Variants in SPOCK1 observed in about 807,000 individuals in gnomAD.
SPOCK1 encodes SPARC (osteonectin), cwcv and kazal like domains proteoglycan 1.
SPOCK1 carries 23 observed loss-of-function variants against 55.3 expected under a neutral mutation model. That is an observed-to-expected ratio of 0.42 (90% CI 0.30 to 0.59). SPOCK1 has a LOEUF of 0.59. Ranked by LOEUF, SPOCK1 falls within the 20% of genes least tolerant of loss-of-function variation. The probability of loss-of-function intolerance (pLI) is 0.22; values close to 1 mark genes in which losing one functional copy is unlikely to be tolerated. For missense variants in SPOCK1, 499 were observed against 552.5 expected, an observed-to-expected ratio of 0.90 and a Z score of 0.97; for synonymous variants, 226 against 221.0, an observed-to-expected ratio of 1.02 and a Z score of -0.20.
At position 137,215,488 on chromosome 5, in the gene SPOCK1, T is replaced by C. The variant is rs149269042; in HGVS notation, c.232+51522A>G. 9.3e-3 allele frequency among the ~76,000 whole-genome samples: 1,423 copies of C among 152,286 alleles called. 18 individuals carry two copies. The highest frequency in any genetic ancestry group is 0.032 in the African/African-American group (1,319 of 41,556). ...TCGTCTTCAATGAGAATTAGAACAG[T>C]TGTGATGACAGTACCTTCCTGGAAT... On this transcript the variant is annotated intron_variant, in intron 3 of 10. Coordinates refer to ENST00000394945, the MANE Select transcript of SPOCK1 (RefSeq NM_004598.4).
In SPOCK1 at chr5:137,373,621, C is replaced by T. The variant is rs181359590; in HGVS notation, c.187-106566G>A. On this transcript the variant is annotated intron_variant, in intron 2 of 10. Coordinates refer to ENST00000394945, the MANE Select transcript of SPOCK1 (RefSeq NM_004598.4). ...TGCAGGTGAGGGTCCTGAATGACCC[C>T]ACCTGGACGGCAGGTGGCACATCCC... Among the ~76,000 whole-genome samples the T allele has an allele frequency of 1.1e-3, 167 of 152,336 alleles. 6 individuals are homozygous for T. The highest frequency in any genetic ancestry group is 6.8e-3 in the Middle Eastern group (2 of 294).
chr5:137,093,829 T>C (rs1272688093), intron 5 of SPOCK1, among the ~76,000 whole-genome samples: 1 of 152,020 alleles, frequency 6.6e-6, no homozygotes, highest in Non-Finnish European at 1.5e-5. Flanking sequence ...GAGAAAAACA[T>C]GGTAAGACAG....
chr5:137,012,458 T>C lies in SPOCK1; in HGVS notation c.590-19858A>G, dbSNP rs532854406. 3.3e-5 allele frequency among the ~76,000 whole-genome samples: 5 copies of C among 152,276 alleles called. No homozygotes were observed. In the South Asian group the frequency reaches 6.2e-4, roughly 19 times the overall value. The stretch of plus-strand genomic sequence containing the variant: ...ACACACACACACATGCAATTCCAAG[T>C]GATAGATTCATTAATTCTCACAACT... On this transcript the variant is annotated intron_variant, in intron 6 of 10. Transcript: ENST00000394945.
intron 3 of SPOCK1, among the ~76,000 whole-genome samples, chr5:137,182,219 A>G (rs1019758408): frequency 2.6e-5 from 4 of 151,996 alleles, no homozygotes; most frequent in African/African-American, 9.7e-5. Flanking sequence ...ATCAGCTGTG[A>G]TTTTCCTCAC....
chr5:137,453,531 A>G (rs772092603), intron 2 of SPOCK1, among the ~76,000 whole-genome samples: 5 of 152,164 alleles, frequency 3.3e-5, no homozygotes, highest in African/African-American at 2.4e-5. Flanking sequence ...TAGTGAAACA[A>G]TTGTCCGCAA....
intron 4 of SPOCK1, among the ~76,000 whole-genome samples, chr5:137,124,586 C>G (rs1053768423): frequency 3.3e-5 from 5 of 152,206 alleles, no homozygotes; most frequent in African/African-American, 1.2e-4. Flanking sequence ...GGGCTCAGGA[C>G]CAGTGAAGAG....
In SPOCK1 at chr5:137,384,596, C is replaced by T. The variant is rs868859070; in HGVS notation, c.186+113777G>A. Among the ~76,000 whole-genome samples the T allele has an allele frequency of 9.8e-4, 123 of 125,836 alleles. 2 individuals are homozygous for T. Among genetic ancestry groups the T allele is most frequent in the African/African-American group, 5.3e-3 (121 of 22,940 alleles). The allele number at this position is 125,836 out of a possible 152,430, so 82.6% of individuals were successfully genotyped here. A position where few individuals can be genotyped will look rare whatever the true frequency, so the allele number is the denominator to read the frequency against. ...TATATATATGTATGTATTTTTTTTT[C>T]CCCCTGGAGGCCAGAAGCTCACAAT... On this transcript the variant is annotated intron_variant, in intron 2 of 10. Transcript: ENST00000394945.
intron 3 of SPOCK1, among the ~76,000 whole-genome samples, chr5:137,262,771 C>T (rs6886072): frequency 0.41 from 61,522 of 151,900 alleles, 13,589 homozygotes; most frequent in Non-Finnish European, 0.48. Flanking sequence ...AGCATCACAA[C>T]TTGGAAGGCC....
At chr5:137,452,254 T>C (rs1335718480) in intron 2 of SPOCK1, among the ~76,000 whole-genome samples, 1 of 152,242 alleles carries the variant, frequency 6.6e-6, no homozygotes, top group African/African-American at 2.4e-5. Context: ...GCCGTGTGTT[T>C]TGTATCAAAA....
rs368900715 is a variant in SPOCK1 at position 137,327,757 on chromosome 5, C to T, written c.187-60702G>A. On this transcript the variant is annotated intron_variant, in intron 2 of 10. Coordinates refer to ENST00000394945, the MANE Select transcript of SPOCK1 (RefSeq NM_004598.4). ...TAAAAACACATAGCTCTTAGAGTCG[C>T]GGTGAAGAAAATGAACCAAAATCAT... Among the ~76,000 whole-genome samples the T allele has an allele frequency of 1.4e-4, 21 of 152,238 alleles. No individual in the cohort carries two copies. In the East Asian group the frequency reaches 3.3e-3, roughly 24 times the overall value.
chr5:137,152,409 A>G (rs1367238937), intron 3 of SPOCK1, among the ~76,000 whole-genome samples: 1 of 152,218 alleles, frequency 6.6e-6, no homozygotes, highest in Non-Finnish European at 1.5e-5. Flanking sequence ...TAAAACATAA[A>G]TCAGGGCTTA....
rs192154101 is a variant in SPOCK1 at position 137,192,951 on chromosome 5, C to T, written c.233-52257G>A. Among the ~76,000 whole-genome samples, 4 of 152,230 alleles carry T rather than the reference C, an allele frequency of 2.6e-5. No individual in the cohort carries two copies. In the East Asian group the frequency reaches 5.8e-4, roughly 22 times the overall value. On this transcript the variant is annotated intron_variant, in intron 3 of 10. Coordinates refer to ENST00000394945, the MANE Select transcript of SPOCK1 (RefSeq NM_004598.4). ...TACTTCTAGGGAGGCAAGGAGAGAA[C>T]GAGATCTGGGAAAGATATACTAGGG...
chr5:137,294,771 G>A (rs1377281437), intron 2 of SPOCK1, among the ~76,000 whole-genome samples: 1 of 152,208 alleles, frequency 6.6e-6, no homozygotes, highest in Non-Finnish European at 1.5e-5. Flanking sequence ...ATCTGCTGCT[G>A]CAGCAACGTT....
intron 5 of SPOCK1, among the ~76,000 whole-genome samples, chr5:137,104,114 A>C (rs781516867): frequency 6.6e-6 from 1 of 152,192 alleles, no homozygotes; most frequent in Admixed American, 6.5e-5. Flanking sequence ...CTCCTGTTGA[A>C]TTGTAATCCC....
At chr5:137,251,867 A>T (rs777728215) in intron 3 of SPOCK1, among the ~76,000 whole-genome samples, 8 of 152,208 alleles carry the variant, frequency 5.3e-5, no homozygotes, top group Non-Finnish European at 1.0e-4. Flanking sequence ...AAATACAAGC[A>T]TTTGTCAGAT....
chr5:137,094,167 G>A (rs1299952066), intron 5 of SPOCK1, among the ~76,000 whole-genome samples: 1 of 152,208 alleles, frequency 6.6e-6, no homozygotes, highest in East Asian at 1.9e-4. Context: ...ACTGGGCACA[G>A]AATAGAGTCA....
At chr5:137,386,687 T>C (rs1751605179) in intron 2 of SPOCK1, among the ~76,000 whole-genome samples, 1 of 152,070 alleles carries the variant, frequency 6.6e-6, no homozygotes, top group African/African-American at 2.4e-5. Context: ...ATGTGTAAAA[T>C]ACAAAACTAT....
At chr5:137,218,585 T>C (rs185200899) in intron 3 of SPOCK1, among the ~76,000 whole-genome samples, 128 of 152,350 alleles carry the variant, frequency 8.4e-4, no homozygotes, top group African/African-American at 3.0e-3. Context: ...GCCACTTATT[T>C]AATCCTTCTG....
intron 3 of SPOCK1, 77 bp from the exon 4 acceptor site, chr5:137,140,771 T>TG: frequency 9.9e-7 from 1 of 1,009,136 alleles, no homozygotes; most frequent in Non-Finnish European, 1.4e-6. Context: ...TTTTTTTTTT[T>TG]TTGTTGAGAC....
Sources: gnomAD v4.1 joint callset for allele counts (sites outside exome capture counted in the v4.1 genomes callset) on GRCh38, gnomAD v4.1.1 for gene constraint, MANE v1.5 for transcripts, NCBI Gene and HGNC (gene_info 2026-07-23, HGNC 2026-07-21) for gene names.